The following SLC28A1 variants were observed in gnomAD, a reference collection of about 807,000 sequenced individuals.
SLC28A1 encodes the protein sodium/nucleoside cotransporter 1.
Under a neutral mutation model 74.8 loss-of-function variants are expected in SLC28A1, and 64 were observed. The observed-to-expected ratio is 0.86, with a 90% CI of 0.70 to 1.05. The LOEUF (loss-of-function observed/expected upper bound fraction) is 1.05, where lower values mean the gene tolerates loss of function less well. Ranked by LOEUF, SLC28A1 falls within the 50% of genes least tolerant of loss-of-function variation. The probability of loss-of-function intolerance (pLI) is 0.00; values close to 1 mark genes in which losing one functional copy is unlikely to be tolerated. For missense variants in SLC28A1, 828 were observed against 822.8 expected (o/e 1.01, Z -0.08); for synonymous variants, 359 against 335.0 (o/e 1.07, Z -0.78).
chr15:84,961,046 G>T, the SLC28A1 span, among the ~76,000 whole-genome samples: 1 of 152,126 alleles, frequency 6.6e-6, no homozygotes, highest in African/African-American at 2.4e-5. Flanking sequence ...TCACATCCCT[G>T]TGTGTCCTCG....
At chr15:84,912,826 A>G (rs1207416326) in intron 9 of SLC28A1, among the ~76,000 whole-genome samples, 39 of 151,616 alleles carry the variant, frequency 2.6e-4, no homozygotes, top group East Asian at 7.8e-4. Flanking sequence ...ACACACACAC[A>G]CACACACACA....
Position 84,924,114 on chromosome 15 carries a change from G to T in SLC28A1, c.1083+4G>T. 6.2e-7 allele frequency: 1 copy of T among 1,612,308 alleles called. No homozygotes were observed. The highest frequency in any genetic ancestry group is 8.5e-7 in the Non-Finnish European group (1 of 1,179,938). On this transcript the variant is annotated splice_donor_region_variant and intron_variant, in intron 12 of 18. Transcript: ENST00000394573. ...GGGTGCCTACATCTCCTTTGGGGTA[G>T]GTAGAGCCCTCCTTCTGCTTGGCTA...
intron 5 of SLC28A1, 50 bp from the exon 6 acceptor site, chr15:84,894,890 T>G: frequency 6.3e-7 from 1 of 1,585,568 alleles, no homozygotes; most frequent in Non-Finnish European, 8.7e-7. Flanking sequence ...TGCAGGGTTC[T>G]GAAGAGGTGG....
intron 9 of SLC28A1, among the ~76,000 whole-genome samples, chr15:84,915,465 C>CT (rs2141873720): frequency 6.6e-6 from 1 of 152,334 alleles, no homozygotes; most frequent in African/African-American, 2.4e-5. Flanking sequence ...AAAAGCAGCC[C>CT]TTGCCGGGCC....
chr15:84,888,044 C>T (rs565259944), intron 3 of SLC28A1, among the ~76,000 whole-genome samples, 188 bp downstream of exon 3: 30 of 152,264 alleles, frequency 2.0e-4, no homozygotes, highest in African/African-American at 7.0e-4. Flanking sequence ...AGGCAGACCC[C>T]TTTATTTCAC....
At chr15:84,961,241 C>T in the SLC28A1 span, among the ~76,000 whole-genome samples, 3 of 152,022 alleles carry the variant, frequency 2.0e-5, no homozygotes, top group Non-Finnish European at 2.9e-5. Context: ...CAGAAAGGGG[C>T]TTCTCTTTTC....
chr15:84,937,898 A>AAAAACAAAAC lies in SLC28A1; in HGVS notation c.1581+2390_1581+2399dup, dbSNP rs60842883. Among the ~76,000 whole-genome samples the AAAAACAAAAC allele has an allele frequency of 7.7e-3, 1,153 of 149,512 alleles. 13 individuals are homozygous for AAAAACAAAAC. Among genetic ancestry groups the AAAAACAAAAC allele is most frequent in the African/African-American group, 0.021 (844 of 40,538 alleles). ...GGCAACAGAGTGAGACTCTGTCTCA[A>AAAAACAAAAC]AAAACAAAACAAAACAAAAAACCAG... On this transcript the variant is annotated intron_variant, in intron 15 of 18. Transcript: ENST00000394573.
intron 6 of SLC28A1, chr15:84,895,543 G>A: frequency 6.5e-7 from 1 of 1,548,216 alleles, no homozygotes; most frequent in Non-Finnish European, 8.7e-7. Flanking sequence ...GGATTCTGAT[G>A]TAGCCAGCAG....
Position 84,935,180 on chromosome 15 carries a change from G to A in SLC28A1, c.1369G>A (p.Gly457Arg). 1.2e-6 allele frequency: 2 copies of A among 1,613,900 alleles called. No homozygotes were observed. Among genetic ancestry groups the A allele is most frequent in the Non-Finnish European group, 1.7e-6 (2 of 1,179,864 alleles). Residue 457 changes from glycine to arginine, a missense_variant, in exon 14 of 19, where the codon GGG becomes AGG. Gly to Arg is a moderately radical substitution (Grantham distance 125). This residue lies in a region of SLC28A1 where 767 missense variants were observed against 753.5 expected (regional missense o/e 1.02). Transcript: ENST00000394573. ...SWLGDMVDIQGLSFQLICSYI... is the reference protein window; with the variant it reads ...SWLGDMVDIQRLSFQLICSYI... ...GCTGGGAGACATGGTGGACATCCAA[G>A]GGCTCAGCTTCCAGGTGCGTTTCTG...
At chr15:84,969,022 G>A in the SLC28A1 span, among the ~76,000 whole-genome samples, 4 of 152,116 alleles carry the variant, frequency 2.6e-5, no homozygotes, top group East Asian at 3.9e-4. Flanking sequence ...CACTGTGAAG[G>A]GAGAGAAAAT....
the SLC28A1 span, among the ~76,000 whole-genome samples, chr15:84,975,006 C>A: frequency 6.6e-6 from 1 of 152,050 alleles, no homozygotes; most frequent in Non-Finnish European, 1.5e-5. Context: ...CCCTTAGACA[C>A]CCCCAGATAT....
At position 84,904,124 on chromosome 15, in the gene SLC28A1, C is replaced by T. The variant is rs575034382; in HGVS notation, c.489C>T (p.Gly163=). ...KRGLALAAFL[G]LVLWLSLDTS... ...GTCTAGCTCTTGCTGCTTTCCTGGG[C>T]CTGGTCCTGTGGCTGTCTCTGGACA... Residue 163 remains glycine, a synonymous_variant, in exon 7 of 19, where the codon GGC becomes GGT. Transcript: ENST00000394573. 1.3e-5 allele frequency: 21 copies of T among 1,614,184 alleles called. No homozygotes were observed. The highest frequency in any genetic ancestry group is 6.7e-5 in the East Asian group (3 of 44,884).
At chr15:84,946,104 A>ATTTT (rs2079209924), downstream of SLC28A1, among the ~76,000 whole-genome samples, 1 of 12,730 alleles carries the variant, frequency 7.9e-5, no homozygotes, top group Admixed American at 7.3e-4. Flanking sequence ...ATATATATAT[A>ATTTT]TATATATATT....
At chr15:84,927,317 G>A (rs1478868833) in intron 12 of SLC28A1, among the ~76,000 whole-genome samples, 3 of 152,160 alleles carry the variant, frequency 2.0e-5, no homozygotes, top group Non-Finnish European at 4.4e-5. Context: ...GCATACACAC[G>A]GGGGCCTTCA....
chr15:84,959,618 T>C, the SLC28A1 span, among the ~76,000 whole-genome samples: 7 of 152,194 alleles, frequency 4.6e-5, no homozygotes, highest in Admixed American at 4.6e-4. Context: ...ATCAACTTGT[T>C]TCCTGCTATC....
chr15:84,894,837 C>G, intron 5 of SLC28A1, 103 bp from the exon 6 acceptor site: 1 of 1,180,960 alleles, frequency 8.5e-7, no homozygotes, highest in Non-Finnish European at 1.3e-6. Flanking sequence ...CTTTCCTGCC[C>G]TCCACGCTCT....
intron 15 of SLC28A1, chr15:84,938,502 G>T (rs1359972717): frequency 2.6e-5 from 4 of 152,078 alleles, no homozygotes; most frequent in Admixed American, 6.6e-5. Flanking sequence ...ATTTTAGTAT[G>T]TATGCTGCCG....
At chr15:84,952,515 T>C in the SLC28A1 span, among the ~76,000 whole-genome samples, 15 of 152,200 alleles carry the variant, frequency 9.9e-5, no homozygotes, top group Non-Finnish European at 2.1e-4. Context: ...CCACGCAGGT[T>C]ACTTCCTCCA....
intron 8 of SLC28A1, among the ~76,000 whole-genome samples, chr15:84,906,599 TTCCTTCCTTCCTTCCTTCCTTCCTTCCC>T: frequency 6.8e-6 from 1 of 146,670 alleles, no homozygotes; most frequent in Non-Finnish European, 1.5e-5. Context: ...CCTTCCTTCC[TTCCTTCCTTCCTTCCTTCCTTCCTTCCC>T]TCCTTCCTTT....
Sources: gnomAD v4.1 joint callset for allele counts (sites outside exome capture counted in the v4.1 genomes callset) on GRCh38, gnomAD v4.1.1 for gene constraint, gnomAD v4.1.1 regional missense constraint, MANE v1.5 for transcripts, NCBI Gene and HGNC (gene_info 2026-07-23, HGNC 2026-07-21) for gene names.